PCTP: variants seen among roughly 807,000 people sequenced by gnomAD.
The protein encoded by PCTP is START domain-containing protein 2.
Under a neutral mutation model 31.0 loss-of-function variants are expected in PCTP, and 27 were observed. That is an observed-to-expected ratio of 0.87 (90% CI 0.64 to 1.20). The LOEUF is 1.20. Ranked by LOEUF, PCTP falls within the 50% of genes most tolerant of loss-of-function variation. The probability of loss-of-function intolerance (pLI) is 0.00; values close to 1 mark genes in which losing one functional copy is unlikely to be tolerated. For missense variants in PCTP, 287 were observed against 268.2 expected (o/e 1.07, Z -0.49); for synonymous variants, 108 against 101.2 (o/e 1.07, Z -0.40).
Position 55,771,092 on chromosome 17 carries a change from T to C in PCTP, c.260-14T>C, listed in dbSNP as rs373545618. 13 of 1,606,310 alleles carry C rather than the reference T, an allele frequency of 8.1e-6. No individual in the cohort carries two copies. Among genetic ancestry groups the C allele is most frequent in the Non-Finnish European group, 1.1e-5 (13 of 1,173,054 alleles). Reference sequence around the variant, plus strand: ...AGGCTTCCAGATGCATTAACTTCTTTTGCTTTCCTTTAGAACTCTATGAAC... The same window carrying C: ...AGGCTTCCAGATGCATTAACTTCTTCTGCTTTCCTTTAGAACTCTATGAAC... On this transcript the variant is annotated splice_polypyrimidine_tract_variant and intron_variant, in intron 2 of 5. Coordinates refer to ENST00000268896, the MANE Select transcript of PCTP (RefSeq NM_021213.4).
chr17:55,776,295 C>T lies in PCTP; in HGVS notation c.*195C>T. ...CCACATCCTTTCTAAGCATGTTTGC[C>T]TGACATCCAGCTCACTCGTCTGCTT... On this transcript the variant is annotated 3_prime_UTR_variant, in exon 6 of 6. Coordinates refer to ENST00000268896, the MANE Select transcript of PCTP (RefSeq NM_021213.4). The T allele has an allele frequency of 7.3e-7, 1 of 1,371,632 alleles. No individual in the cohort carries two copies. Among genetic ancestry groups the T allele is most frequent in the Middle Eastern group, 2.5e-4 (1 of 3,946 alleles). The allele number at this position is 1,371,632 out of a possible 1,614,324, so 85.0% of individuals were successfully genotyped here.
intron 5 of PCTP, among the ~76,000 whole-genome samples, chr17:55,835,638 GATAAA>G (rs1415706526): frequency 2.6e-5 from 4 of 152,282 alleles, no homozygotes; most frequent in East Asian, 1.9e-4. Context: ...AAGAGTTGGT[GATAAA>G]AACTCAGACA....
chr17:55,795,637 C>T (rs1339470092), intron 3 of PCTP, among the ~76,000 whole-genome samples: 1 of 152,042 alleles, frequency 6.6e-6, no homozygotes, highest in African/African-American at 2.4e-5. Context: ...ATTCCTGTTG[C>T]TTTAAATGTG....
intron 3 of PCTP, among the ~76,000 whole-genome samples, chr17:55,808,280 G>A (rs772432071): frequency 2.6e-5 from 4 of 152,156 alleles, no homozygotes; most frequent in Admixed American, 6.5e-5. Context: ...CCATAGGATG[G>A]TTGACGCACC....
chr17:55,830,145 C>T (rs538306457), intron 5 of PCTP, among the ~76,000 whole-genome samples: 1 of 152,192 alleles, frequency 6.6e-6, no homozygotes, highest in East Asian at 1.9e-4. Context: ...GGGTTCCATC[C>T]CCAGAGATCG....
At chr17:55,845,414 C>G (rs752209552), downstream of PCTP, among the ~76,000 whole-genome samples, 14 of 152,180 alleles carry the variant, frequency 9.2e-5, no homozygotes, top group Non-Finnish European at 1.8e-4. Context: ...CTCTCCATCC[C>G]CGTTCCCCGC....
chr17:55,833,567 C>G (rs550812483), intron 5 of PCTP, among the ~76,000 whole-genome samples: 13 of 152,146 alleles, frequency 8.5e-5, no homozygotes, highest in Non-Finnish European at 1.8e-4. Flanking sequence ...AAGTATGTTC[C>G]CTAGACCAAC....
At chr17:55,775,659 C>A (rs751565924) in intron 5 of PCTP, 116 of 1,205,268 alleles carry the variant, frequency 9.6e-5, no homozygotes, top group Non-Finnish European at 1.1e-4. Flanking sequence ...TCCTTGATCC[C>A]CAATCCTTAC....
At chr17:55,833,379 T>C (rs942629769) in intron 5 of PCTP, among the ~76,000 whole-genome samples, 2 of 152,212 alleles carry the variant, frequency 1.3e-5, no homozygotes, top group Non-Finnish European at 2.9e-5. Flanking sequence ...AAATTATGCC[T>C]TCTACATACT....
At chr17:55,770,995 A>T in intron 2 of PCTP, 111 bp from the exon 3 acceptor site, 1 of 769,076 alleles carries the variant, frequency 1.3e-6, no homozygotes, top group Admixed American at 2.0e-5. Flanking sequence ...GGCCTCAAAA[A>T]GTGCTGGGAT....
intron 5 of PCTP, among the ~76,000 whole-genome samples, chr17:55,830,902 GA>G (rs1264852474): frequency 1.3e-5 from 2 of 152,144 alleles, no homozygotes; most frequent in African/African-American, 2.4e-5. Flanking sequence ...TCCTGCAGGA[GA>G]AAAATTAGAT....
chr17:55,783,708 A>G (rs779100308), intron 2 of PCTP, among the ~76,000 whole-genome samples: 14 of 152,316 alleles, frequency 9.2e-5, no homozygotes, highest in Middle Eastern at 3.4e-3. Flanking sequence ...TAGGCCTGGT[A>G]TTGAATAATT....
intron 3 of PCTP, among the ~76,000 whole-genome samples, chr17:55,789,037 T>C (rs556938147): frequency 5.0e-4 from 76 of 152,326 alleles, no homozygotes; most frequent in African/African-American, 1.8e-3. Context: ...TCATTTAATG[T>C]ATTTGAGCCT....
chr17:55,837,215 A>G (rs1905806601), intron 5 of PCTP, among the ~76,000 whole-genome samples: 1 of 152,202 alleles, frequency 6.6e-6, no homozygotes, highest in Non-Finnish European at 1.5e-5. Flanking sequence ...CGCATGAAGA[A>G]CTTTAGACAT....
downstream of PCTP, among the ~76,000 whole-genome samples, chr17:55,824,347 T>G (rs188279222): frequency 2.0e-3 from 310 of 152,206 alleles, 1 homozygote; most frequent in African/African-American, 7.2e-3. Context: ...ATTTCTAAAA[T>G]GAAGATGGAA....
downstream of PCTP, among the ~76,000 whole-genome samples, chr17:55,781,375 C>G (rs1440955191): frequency 1.3e-5 from 2 of 152,152 alleles, no homozygotes; most frequent in Non-Finnish European, 2.9e-5. Context: ...AAATCTATTC[C>G]CTCTAAGATA....
the PCTP span, among the ~76,000 whole-genome samples, chr17:55,851,105 AAATGGACTAGG>A: frequency 6.6e-6 from 1 of 152,338 alleles, no homozygotes; most frequent in African/African-American, 2.4e-5. Context: ...TATTTTATGA[AAATGGACTAGG>A]GCAAGGGGAA....
At chr17:55,753,854 A>G (rs1055824134) in intron 1 of PCTP, among the ~76,000 whole-genome samples, 1 of 152,178 alleles carries the variant, frequency 6.6e-6, no homozygotes, top group African/African-American at 2.4e-5. Flanking sequence ...ATCCAAGTCC[A>G]TCTGCCCATG....
chr17:55,781,032 A>T (rs1391344253), downstream of PCTP, among the ~76,000 whole-genome samples: 1 of 150,642 alleles, frequency 6.6e-6, no homozygotes, highest in Non-Finnish European at 1.5e-5. Flanking sequence ...AAAAAAAAAT[A>T]GCAGCTTTGC....
Sources: allele counts gnomAD v4.1 joint callset (sites outside exome capture counted in the v4.1 genomes callset), GRCh38; gene constraint gnomAD v4.1.1; transcripts MANE v1.5; gene names NCBI Gene and HGNC (gene_info 2026-07-23, HGNC 2026-07-21).